DNASE1L1: variants seen among roughly 807,000 people sequenced by gnomAD.
DNASE1L1 encodes the protein deoxyribonuclease 1 like 1, also known as deoxyribonuclease-1-like 1.
A neutral mutation model predicts 18.6 loss-of-function variants in DNASE1L1; 8 were observed. That is an observed-to-expected ratio of 0.43 (90% CI 0.25 to 0.78). The LOEUF (loss-of-function observed/expected upper bound fraction) is 0.78, where lower values mean the gene tolerates loss of function less well. Among genes scored for constraint, DNASE1L1 ranks in the 30% least tolerant of loss-of-function variants. The pLI is 0.23. For missense variants in DNASE1L1, 214 were observed against 258.2 expected (o/e 0.83, Z 1.17); for synonymous variants, 114 against 114.2 (o/e 1.00, Z 0.01).
rs782579637 is a variant in DNASE1L1 at position 154,405,090 on chromosome X, G to C, written c.136-7C>G. On this transcript the variant is annotated splice_region_variant and splice_polypyrimidine_tract_variant and intron_variant, in intron 2 of 7. Coordinates refer to ENST00000369807, the MANE Select transcript of DNASE1L1 (RefSeq NM_001303620.2). ...TGTCACAGCGAGCCAGTATCTGTGG[G>C]ACATCAGGAAGGCCAGCCTGACTCA... 2.5e-6 allele frequency: 3 copies of C among 1,208,372 alleles called. No homozygotes were observed. In the Admixed American group the frequency reaches 6.5e-5, roughly 26 times the overall value.
At chrX:154,411,718 C>A (rs781986704), upstream of DNASE1L1, 1 of 637,124 alleles carries the variant, frequency 1.6e-6, no homozygotes. Context: ...TGTTGCGCCG[C>A]GCCCCCGTCC....
chrX:154,411,964 C>A, upstream of DNASE1L1: 1 of 1,198,804 alleles, frequency 8.3e-7, no homozygotes, highest in African/African-American at 1.7e-5. Context: ...TGAGTGGGCC[C>A]AGGCCGAGGC....
chrX:154,402,650 G>A lies in DNASE1L1; in HGVS notation c.*57C>T. On this transcript the variant is annotated 3_prime_UTR_variant, in exon 8 of 8. Coordinates refer to ENST00000369807, the MANE Select transcript of DNASE1L1 (RefSeq NM_001303620.2). The stretch of plus-strand genomic sequence containing the variant: ...CCCAGCCCCAGGGCTGGATGGACGG[G>A]GGAGGCTGGGGTTTAAGTCCCAAAA... 2.7e-6 allele frequency: 3 copies of A among 1,127,375 alleles called. No individual in the cohort carries two copies. The highest frequency in any genetic ancestry group is 5.2e-5 in the Admixed American group (2 of 38,656). The allele number at this position is 1,127,375 out of a possible 1,213,427, so 92.9% of individuals were successfully genotyped here.
chrX:154,403,255 C>T lies in DNASE1L1; in HGVS notation c.525+14G>A, dbSNP rs782071593. ...CCTATCCTTGTCCCTCCTGTACAAA[C>T]TGCCCAGGCCTACCTTGCTCTGCCA... On this transcript the variant is annotated intron_variant, in intron 6 of 7. Coordinates refer to ENST00000369807, the MANE Select transcript of DNASE1L1 (RefSeq NM_001303620.2). The T allele has an allele frequency of 5.8e-6, 7 of 1,207,664 alleles. No individual in the cohort carries two copies. Among genetic ancestry groups the T allele is most frequent in the Non-Finnish European group, 4.5e-6 (4 of 893,176 alleles).
chrX:154,407,554 T>C (rs73569602), intron 1 of DNASE1L1, among the ~76,000 whole-genome samples: 15,544 of 102,072 alleles, frequency 0.15, 3,314 homozygotes, highest in African/African-American at 0.53. Flanking sequence ...TGGGATATTA[T>C]AGGCCTGACC....
intron 1 of DNASE1L1, among the ~76,000 whole-genome samples, chrX:154,407,763 C>CT (rs1440352931): frequency 0.091 from 8,107 of 88,735 alleles, 1,506 homozygotes; most frequent in African/African-American, 0.36. Context: ...GCCCGGCCCC[C>CT]CCCCTTTTTT....
chrX:154,406,706 C>A (rs1258158468), intron 1 of DNASE1L1, among the ~76,000 whole-genome samples: 4 of 90,800 alleles, frequency 4.4e-5, no homozygotes, highest in Non-Finnish European at 8.5e-5. Context: ...GACAAGGTCT[C>A]ACTATGTTGC....
intron 4 of DNASE1L1, among the ~76,000 whole-genome samples, chrX:154,404,515 A>G (rs1557187885): frequency 1.8e-5 from 2 of 112,025 alleles, no homozygotes; most frequent in African/African-American, 6.5e-5. Context: ...TCTTCCCAGG[A>G]GCTGCAGCCC....
At chrX:154,407,724 T>C (rs2068186205) in intron 1 of DNASE1L1, among the ~76,000 whole-genome samples, 1 of 99,293 alleles carries the variant, frequency 1.0e-5, no homozygotes, top group South Asian at 5.0e-4. Flanking sequence ...GCCTCCTGAG[T>C]AGTTGGGGCT....
At chrX:154,410,244 CA>C (rs1171040338), upstream of DNASE1L1, among the ~76,000 whole-genome samples, 20 of 101,502 alleles carry the variant, frequency 2.0e-4, no homozygotes, top group African/African-American at 3.6e-4. Context: ...GACTCCATCT[CA>C]AAAAAAAAAA....
Position 154,408,926 on chromosome X carries a change from G to A in DNASE1L1, c.-88+186C>T, listed in dbSNP as rs10127226. 1,474 of 217,948 alleles carry A rather than the reference G, an allele frequency of 6.8e-3. 24 individuals are homozygous for A. The highest frequency in any genetic ancestry group is 0.041 in the African/African-American group (1,389 of 34,001). 18.0% of individuals were successfully genotyped at this position (217,948 alleles called of 1,213,427 possible). On this transcript the variant is annotated intron_variant, in intron 1 of 7. Coordinates refer to ENST00000369807, the MANE Select transcript of DNASE1L1 (RefSeq NM_001303620.2). ...CACATGCAGCCTTGGAGGCTCTGGC[G>A]TCAGGGACCCCCATGAGGGCTACCA...
At chrX:154,408,970 G>A (rs1427303376) in intron 1 of DNASE1L1, 142 bp downstream of exon 1, 2 of 249,203 alleles carry the variant, frequency 8.0e-6, no homozygotes, top group Non-Finnish European at 7.9e-6. Flanking sequence ...CAGAGAGAGC[G>A]ACGGTTCCTG....
rs148008384 is a variant in DNASE1L1 at position 154,402,778 on chromosome X, C to G, written c.838G>C (p.Val280Leu). The G allele has an allele frequency of 2.5e-6, 3 of 1,211,300 alleles. No homozygotes were observed. The highest frequency in any genetic ancestry group is 3.4e-6 in the Non-Finnish European group (3 of 895,256). The change falls in exon 8 of 8, where the codon GTC becomes CTC. Residue 280 changes from valine (V) to leucine (L), a missense_variant. Coordinates refer to ENST00000369807, the MANE Select transcript of DNASE1L1 (RefSeq NM_001303620.2). The part of the protein sequence containing the change: ...VELKLSQAHS[V>L]QPLSLTVLLL... ...AGAACAGTGAGGCTGAGAGGCTGGA[C>G]GCTGTGCGCCTGGCTCAGCTTCAGC... is the stretch of plus-strand genomic sequence containing the variant.
upstream of DNASE1L1, chrX:154,411,533 A>T: frequency 3.0e-6 from 1 of 338,013 alleles, no homozygotes; most frequent in Non-Finnish European, 5.4e-6. Context: ...GCACCGGCGC[A>T]GGTTCGCTTT....
upstream of DNASE1L1, among the ~76,000 whole-genome samples, chrX:154,411,302 A>G (rs1557190215): frequency 8.9e-6 from 1 of 111,809 alleles, no homozygotes; most frequent in Non-Finnish European, 1.9e-5. Flanking sequence ...TGGGAGATCG[A>G]GGCTGCAGTG....
At chrX:154,407,092 G>A (rs1008842266) in intron 1 of DNASE1L1, among the ~76,000 whole-genome samples, 5 of 109,129 alleles carry the variant, frequency 4.6e-5, no homozygotes, top group East Asian at 2.9e-4. Flanking sequence ...TTGCTCTGTC[G>A]CCCAGACTGG....
rs2068070214 is a variant in DNASE1L1, at chrX:154,402,814, C to T, written c.802G>A (p.Val268Met). 5 of 1,209,649 alleles carry T rather than the reference C, an allele frequency of 4.1e-6. No individual in the cohort carries two copies. Among genetic ancestry groups the T allele is most frequent in the Non-Finnish European group, 5.6e-6 (5 of 894,915 alleles). ...EALNISDHYP[V>M]EVELKLSQAH... ...TGGCTCAGCTTCAGCTCCACCTCCA[C>T]GGGGTAGTGGTCACTGATGTTGAGG... Residue 268 changes from valine to methionine, a missense_variant, in exon 8 of 8, where the codon GTG (valine) becomes ATG (methionine). Val to Met is a conservative substitution (Grantham distance 21). Coordinates refer to ENST00000369807, the MANE Select transcript of DNASE1L1 (RefSeq NM_001303620.2).
rs147897069 is a variant in DNASE1L1 at position 154,404,995 on chromosome X, C to T, written c.224G>A (p.Arg75Gln). Reference sequence around the variant, plus strand: ...ATTAGACCCACAGAATCTTCCTCACCGATTGAGTTCTCGAAGCAGGAGCGG... The same window carrying T: ...ATTAGACCCACAGAATCTTCCTCACTGATTGAGTTCTCGAAGCAGGAGCGG... ...AIPLLLRELN[R>Q]FDGSGPYSTL... is the part of the protein sequence containing the mutation. Residue 75 changes from arginine to glutamine, a missense_variant and splice_region_variant, in exon 3 of 8, where the codon CGA (arginine) becomes CAA (glutamine). Physicochemically the swap from Arg to Gln is conservative, Grantham distance 43. Transcript: ENST00000369807. The T allele has an allele frequency of 1.4e-4, 165 of 1,208,216 alleles. No homozygotes were observed. The highest frequency in any genetic ancestry group is 1.2e-4 in the Non-Finnish European group (109 of 893,751).
At chrX:154,402,887 C>T in intron 7 of DNASE1L1, 46 bp from the exon 8 acceptor site, 3 of 1,204,598 alleles carry the variant, frequency 2.5e-6, no homozygotes, top group South Asian at 1.8e-5. Flanking sequence ...GGCCGAGGGG[C>T]TTCCCTGTGA....
Sources: gnomAD v4.1 joint callset for allele counts (sites outside exome capture counted in the v4.1 genomes callset) on GRCh38, gnomAD v4.1.1 for gene constraint, MANE v1.5 for transcripts, NCBI Gene and HGNC (gene_info 2026-07-23, HGNC 2026-07-21) for gene names.